The following MICOS10 variants were observed in gnomAD, a reference collection of about 807,000 sequenced individuals.
MICOS10 encodes the protein mitochondrial contact site and cristae organizing system subunit 10.
In MICOS10, 5 loss-of-function variants were observed where a neutral mutation model predicts 13.4. That is an observed-to-expected ratio of 0.37 (90% confidence interval 0.20 to 0.78). The LOEUF (loss-of-function observed/expected upper bound fraction) is 0.78, where lower values mean the gene tolerates loss of function less well. MICOS10 is among the 30% of genes least tolerant of loss of function. The pLI is 0.47. For missense variants in MICOS10, 101 were observed against 94.6 expected, an observed-to-expected ratio of 1.07 and a Z score of -0.28; for synonymous variants, 35 against 33.6, an observed-to-expected ratio of 1.04 and a Z score of -0.15.
chr1:19,604,078 G>T (rs747261870), intron 1 of MICOS10, among the ~76,000 whole-genome samples: 83 of 152,116 alleles, frequency 5.5e-4, no homozygotes, highest in Non-Finnish European at 1.1e-3. Context: ...CAAAATAAAT[G>T]TACCAGTAAA....
At chr1:19,612,881 G>A (rs993003672) in intron 1 of MICOS10, among the ~76,000 whole-genome samples, 4 of 152,092 alleles carry the variant, frequency 2.6e-5, no homozygotes, top group Middle Eastern at 3.2e-3. Flanking sequence ...CAGAAACATG[G>A]GTGTACTTAA....
intron 1 of MICOS10, among the ~76,000 whole-genome samples, chr1:19,598,913 ATTAAC>A (rs1224673909): frequency 1.3e-5 from 2 of 152,010 alleles, no homozygotes; most frequent in African/African-American, 2.4e-5. Context: ...TTTATTTTTA[ATTAAC>A]TTATTTTTTT....
Position 19,604,605 on chromosome 1 carries a change from C to T in MICOS10, c.64+7496C>T, listed in dbSNP as rs2094827921. ...TACCCTGATCTTGGCTATTGTGGGT[C>T]GTAGGTGGGTCTTATTGTGGGTCGT... On this transcript the variant is annotated intron_variant, in intron 1 of 3. Transcript: ENST00000322753. Among the ~76,000 whole-genome samples the T allele has an allele frequency of 1.3e-5, 2 of 152,032 alleles. 1 individual carries two copies. Among genetic ancestry groups the T allele is most frequent in the African/African-American group, 4.8e-5 (2 of 41,390 alleles).
intron 1 of MICOS10, among the ~76,000 whole-genome samples, chr1:19,614,918 C>G (rs1053897835): frequency 1.3e-5 from 2 of 152,184 alleles, no homozygotes; most frequent in Non-Finnish European, 2.9e-5. Context: ...CCCTGCACAG[C>G]CCTGCTTTTC....
At position 19,608,405 on chromosome 1, in the gene MICOS10, C is replaced by T. The variant is rs180924547; in HGVS notation, c.64+11296C>T. On this transcript the variant is annotated intron_variant, in intron 1 of 3. Coordinates refer to ENST00000322753, the MANE Select transcript of MICOS10 (RefSeq NM_001032363.4). ...TATCATTGCCCTACACATCCAACTC[C>T]GGGCCACAGGAGGAAATAGGACCAA... 4.1e-4 allele frequency: 524 copies of T among 1,268,312 alleles called. 3 individuals carry two copies. In the African/African-American group the frequency reaches 5.2e-3, roughly 13 times the overall value. The allele number at this position is 1,268,312 out of a possible 1,614,324, so 78.6% of individuals were successfully genotyped here.
intron 1 of MICOS10, among the ~76,000 whole-genome samples, chr1:19,597,428 C>T (rs1003360389): frequency 6.6e-6 from 1 of 152,076 alleles, no homozygotes; most frequent in Admixed American, 6.5e-5. Flanking sequence ...CGTGCCGGAG[C>T]CGCGGGGTTC....
At chr1:19,611,709 C>T (rs1029581847) in intron 1 of MICOS10, among the ~76,000 whole-genome samples, 1 of 151,926 alleles carries the variant, frequency 6.6e-6, no homozygotes, top group Non-Finnish European at 1.5e-5. Context: ...CGATGGCTCA[C>T]ACCTATAATC....
At chr1:19,608,980 G>T (rs1641502998) in intron 1 of MICOS10, among the ~76,000 whole-genome samples, 1 of 132,950 alleles carries the variant, frequency 7.5e-6, no homozygotes, top group Non-Finnish European at 1.6e-5. Flanking sequence ...TAAGATGTGA[G>T]CCACTTTTCC....
chr1:19,599,270 C>T (rs946644599), intron 1 of MICOS10, among the ~76,000 whole-genome samples: 4 of 151,840 alleles, frequency 2.6e-5, no homozygotes, highest in Admixed American at 6.6e-5. Flanking sequence ...TTCCTCAGGC[C>T]GGTCTCAAAC....
intron 1 of MICOS10, among the ~76,000 whole-genome samples, chr1:19,615,886 A>G (rs929285026): frequency 4.0e-5 from 6 of 150,844 alleles, no homozygotes; most frequent in Non-Finnish European, 5.9e-5. Flanking sequence ...AGGGAAATAC[A>G]TTAATGATAC....
chr1:19,616,870 C>T (rs914503697), intron 1 of MICOS10, among the ~76,000 whole-genome samples: 1 of 152,124 alleles, frequency 6.6e-6, no homozygotes, highest in Non-Finnish European at 1.5e-5. Flanking sequence ...GATGTTAGTA[C>T]CTCCAAAGCA....
At chr1:19,599,257 A>G (rs866650327) in intron 1 of MICOS10, among the ~76,000 whole-genome samples, 20 of 151,884 alleles carry the variant, frequency 1.3e-4, no homozygotes, top group Admixed American at 2.0e-4. Flanking sequence ...GTGTTTTGCC[A>G]TATTCCTCAG....
chr1:19,611,986 G>T (rs1033615221), intron 1 of MICOS10, among the ~76,000 whole-genome samples: 3 of 122,164 alleles, frequency 2.5e-5, no homozygotes, highest in African/African-American at 8.3e-5. Flanking sequence ...AAAAAAAAAA[G>T]ATTTTTTTTT....
Position 19,629,131 on chromosome 1 carries a change from G to A in MICOS10, c.*2730G>A, listed in dbSNP as rs965903856. The A allele has an allele frequency of 1.1e-4, 16 of 152,164 alleles. No individual in the cohort carries two copies. The highest frequency in any genetic ancestry group is 4.6e-4 in the Admixed American group (7 of 15,260). The allele number at this position is 152,164 out of a possible 1,614,324, so 9.4% of individuals were successfully genotyped here. A position where few individuals can be genotyped will look rare whatever the true frequency, so the allele number is the denominator to read the frequency against. On this transcript the variant is annotated 3_prime_UTR_variant, in exon 4 of 4. Coordinates refer to ENST00000322753, the MANE Select transcript of MICOS10 (RefSeq NM_001032363.4). ...CTCAGATCAACCTTCAGAAAGTCCC[G>A]GCTTGTTGGCAAAGGCACACATTCT...
Position 19,597,060 on chromosome 1 carries a change from G to A in MICOS10, c.15G>A (p.Glu5=), listed in dbSNP as rs780335951. The A allele has an allele frequency of 3.8e-6, 6 of 1,592,376 alleles. No individual in the cohort carries two copies. The highest frequency in any genetic ancestry group is 2.4e-5 in the East Asian group (1 of 42,260). The part of the protein sequence containing the change: MSES[E]LGRKWDRCLA... ...GGGTGGGGAACATGTCTGAGTCGGAGCTCGGCAGGAAGTGGGACCGGTGTC... is the reference window on the plus strand; with the variant it reads ...GGGTGGGGAACATGTCTGAGTCGGAACTCGGCAGGAAGTGGGACCGGTGTC... The change falls in exon 1 of 4, where the codon GAG becomes GAA. Residue 5 remains glutamate (E), a synonymous_variant. Coordinates refer to ENST00000322753, the MANE Select transcript of MICOS10 (RefSeq NM_001032363.4).
At chr1:19,610,366 GCTTTTTTTT>G (rs2094855379) in intron 1 of MICOS10, among the ~76,000 whole-genome samples, 1 of 6,512 alleles carries the variant, frequency 1.5e-4, no homozygotes, top group African/African-American at 7.5e-4. Context: ...CCACCCCCCG[GCTTTTTTTT>G]TTTTTTTTTT....
chr1:19,603,732 G>A (rs958535169), intron 1 of MICOS10, among the ~76,000 whole-genome samples: 2 of 152,174 alleles, frequency 1.3e-5, no homozygotes, highest in Non-Finnish European at 2.9e-5. Flanking sequence ...CTGTATTTTA[G>A]CATTTGAAGA....
intron 1 of MICOS10, among the ~76,000 whole-genome samples, chr1:19,612,291 C>T (rs2094866322): frequency 6.6e-6 from 1 of 151,310 alleles, no homozygotes; most frequent in Admixed American, 6.6e-5. Flanking sequence ...CTCCTGACCT[C>T]GTGATCCGCC....
intron 3 of MICOS10, among the ~76,000 whole-genome samples, chr1:19,625,848 A>G (rs1053774162): frequency 6.6e-6 from 1 of 152,156 alleles, no homozygotes; most frequent in African/African-American, 2.4e-5. Context: ...ATTCCCTGAA[A>G]AATGGAGCAA....
Sources: allele counts gnomAD v4.1 joint callset (sites outside exome capture counted in the v4.1 genomes callset), GRCh38; gene constraint gnomAD v4.1.1; transcripts MANE v1.5; gene names NCBI Gene and HGNC (gene_info 2026-07-23, HGNC 2026-07-21).